ITPR2: variants seen among roughly 807,000 people sequenced by gnomAD.
ITPR2 encodes inositol 1,4,5-trisphosphate-gated calcium channel ITPR2.
Under a neutral mutation model 317.1 loss-of-function variants are expected in ITPR2, and 207 were observed. That is an observed-to-expected ratio of 0.65 (90% CI 0.58 to 0.73). The LOEUF (loss-of-function observed/expected upper bound fraction) is 0.73, where lower values mean the gene tolerates loss of function less well. Ranked by LOEUF, ITPR2 falls within the 30% of genes least tolerant of loss-of-function variation. ITPR2 has a pLI of 0.00. For synonymous variants in ITPR2, 1,156 were observed against 1,149.1 expected, an observed-to-expected ratio of 1.01 and a Z score of -0.12; for missense variants, 2,613 against 3,284.0, an observed-to-expected ratio of 0.80 and a Z score of 4.99.
chr12:26,635,896 T>A (rs1328382501), intron 21 of ITPR2, among the ~76,000 whole-genome samples: 1 of 152,152 alleles, frequency 6.6e-6, no homozygotes, highest in Non-Finnish European at 1.5e-5. Flanking sequence ...AACAAAAACA[T>A]TAGCATAAGA....
rs767136778 is a variant in ITPR2, at chr12:26,500,371, A to G, written c.5074-5111T>C. ...ATTAGGCCATTATGAAAAGAATTTC[A>G]CCACAGTTGAGAAGTTTGACTTCTG... On this transcript the variant is annotated intron_variant, in intron 37 of 56. Transcript: ENST00000381340. Among the ~76,000 whole-genome samples the G allele has an allele frequency of 1.3e-3, 162 of 121,248 alleles. 1 individual carries two copies. The highest frequency in any genetic ancestry group is 8.4e-3 in the Middle Eastern group (2 of 238). 79.5% of individuals were successfully genotyped at this position (121,248 alleles called of 152,430 possible). A position where few individuals can be genotyped will look rare whatever the true frequency, so the allele number is the denominator to read the frequency against.
At chr12:26,339,967 C>A (rs953750156) in intron 56 of ITPR2, among the ~76,000 whole-genome samples, 200 bp downstream of exon 56, 4 of 152,006 alleles carry the variant, frequency 2.6e-5, no homozygotes, top group Non-Finnish European at 4.4e-5. Context: ...GGAGAAGTGT[C>A]GTGTGAGGCT....
chr12:26,644,910 A>T (rs1947077761), intron 21 of ITPR2, among the ~76,000 whole-genome samples: 1 of 152,170 alleles, frequency 6.6e-6, no homozygotes, highest in South Asian at 2.1e-4. Context: ...CGACTAAGAC[A>T]ACTAGTCTGA....
chr12:26,437,547 G>A (rs989441485), intron 47 of ITPR2, among the ~76,000 whole-genome samples: 5 of 152,162 alleles, frequency 3.3e-5, no homozygotes, highest in Admixed American at 6.5e-5. Flanking sequence ...ATTAGAAGAT[G>A]TTGATGCATG....
intron 15 of ITPR2, among the ~76,000 whole-genome samples, chr12:26,662,356 A>G (rs867055634): frequency 5.3e-5 from 8 of 152,314 alleles, no homozygotes; most frequent in East Asian, 1.9e-4. Flanking sequence ...TGTTAACTGA[A>G]TTAATTCATG....
intron 55 of ITPR2, among the ~76,000 whole-genome samples, chr12:26,341,191 T>A (rs1938102104): frequency 6.6e-6 from 1 of 152,192 alleles, no homozygotes; most frequent in Non-Finnish European, 1.5e-5. Context: ...GTTTCATTAC[T>A]CTTGTCACAA....
At chr12:26,492,014 G>C (rs148037436) in intron 39 of ITPR2, among the ~76,000 whole-genome samples, 5 of 152,262 alleles carry the variant, frequency 3.3e-5, no homozygotes, top group African/African-American at 1.2e-4. Flanking sequence ...AGGTCAGGGT[G>C]GGGAACACAC....
At chr12:26,481,270 A>G (rs757346333) in intron 42 of ITPR2, 29 bp from the exon 43 acceptor site, 31 of 1,286,450 alleles carry the variant, frequency 2.4e-5, no homozygotes, top group Non-Finnish European at 3.4e-5. Flanking sequence ...GTAAAATATC[A>G]TTTTATTCAC....
At chr12:26,780,692 G>A (rs1950060969) in intron 2 of ITPR2, among the ~76,000 whole-genome samples, 1 of 152,168 alleles carries the variant, frequency 6.6e-6, no homozygotes, top group Non-Finnish European at 1.5e-5. Context: ...ATATGGCACT[G>A]TTCCTCCCAT....
At chr12:26,461,689 T>C (rs1339541313) in intron 45 of ITPR2, among the ~76,000 whole-genome samples, 38 of 93,196 alleles carry the variant, frequency 4.1e-4, no homozygotes, top group African/African-American at 1.4e-3. Context: ...TACATATATA[T>C]ATACACACAC....
At chr12:26,416,441 C>T (rs1481121353) in intron 50 of ITPR2, among the ~76,000 whole-genome samples, 1 of 152,064 alleles carries the variant, frequency 6.6e-6, no homozygotes, top group African/African-American at 2.4e-5. Context: ...TGAGGTTTGT[C>T]TTCTATCTGT....
At chr12:26,516,285 G>GGGAATGGAAAGGAAAGGAAA (rs1943504560) in intron 37 of ITPR2, among the ~76,000 whole-genome samples, 10 of 42,838 alleles carry the variant, frequency 2.3e-4, no homozygotes, top group Admixed American at 9.8e-4. Context: ...GGGAAGGGAA[G>GGGAATGGAAAGGAAAGGAAA]GGAAAGGAAA....
chr12:26,541,918 T>C (rs1275714410), intron 37 of ITPR2, among the ~76,000 whole-genome samples: 1 of 152,172 alleles, frequency 6.6e-6, no homozygotes, highest in African/African-American at 2.4e-5. Flanking sequence ...TAAAAATAAT[T>C]CAGGCATCAT....
At chr12:26,529,151 A>G (rs1208218940) in intron 37 of ITPR2, among the ~76,000 whole-genome samples, 5 of 152,216 alleles carry the variant, frequency 3.3e-5, no homozygotes, top group Non-Finnish European at 7.3e-5. Flanking sequence ...AAGCTGACAC[A>G]GTAGTCTCTG....
intron 45 of ITPR2, among the ~76,000 whole-genome samples, chr12:26,459,936 C>T (rs1941974568): frequency 6.6e-6 from 1 of 152,226 alleles, no homozygotes; most frequent in Admixed American, 6.5e-5. Context: ...TTCCATTTCA[C>T]CACAAGCCTC....
Position 26,723,406 on chromosome 12 carries a change from A to G in ITPR2, c.367-851T>C, listed in dbSNP as rs542818776. On this transcript the variant is annotated intron_variant, in intron 4 of 56. Coordinates refer to ENST00000381340, the MANE Select transcript of ITPR2 (RefSeq NM_002223.4). Reference sequence around the variant, plus strand: ...TTTGGGATCCACCATGTTCAAGAACATGGCTCAGCCCCTCAATGACCAAGC... The same window carrying G: ...TTTGGGATCCACCATGTTCAAGAACGTGGCTCAGCCCCTCAATGACCAAGC... Among the ~76,000 whole-genome samples the G allele has an allele frequency of 1.2e-3, 177 of 152,278 alleles. 1 individual carries two copies. The highest frequency in any genetic ancestry group is 1.9e-3 in the Non-Finnish European group (127 of 68,020).
rs574916895 is a variant in ITPR2, at chr12:26,337,714, C to T, written c.*1683G>A. Reference sequence around the variant, plus strand: ...TTGGATCATGAATGTCAGGGTCTTTCAGCTCCTGGTCAGAAAAAATACTGT... The same window carrying T: ...TTGGATCATGAATGTCAGGGTCTTTTAGCTCCTGGTCAGAAAAAATACTGT... On this transcript the variant is annotated 3_prime_UTR_variant, in exon 57 of 57. Coordinates refer to ENST00000381340, the MANE Select transcript of ITPR2 (RefSeq NM_002223.4). 4 of 152,286 alleles carry T rather than the reference C, an allele frequency of 2.6e-5. No individual in the cohort carries two copies. The highest frequency in any genetic ancestry group is 2.6e-4 in the Admixed American group (4 of 15,280). The allele number at this position is 152,286 out of a possible 1,614,324, so 9.4% of individuals were successfully genotyped here.
Position 26,338,683 on chromosome 12 carries a change from T to C in ITPR2, c.*714A>G, listed in dbSNP as rs947581334. On this transcript the variant is annotated 3_prime_UTR_variant, in exon 57 of 57. Transcript: ENST00000381340. ...TAGCCTATACATGACTTAGAACATG[T>C]TTTTAACAAGTTATATGAAAATCTC... The C allele has an allele frequency of 6.6e-6, 1 of 152,226 alleles. No homozygotes were observed. The highest frequency in any genetic ancestry group is 2.4e-5 in the African/African-American group (1 of 41,460). The allele number at this position is 152,226 out of a possible 1,614,324, so 9.4% of individuals were successfully genotyped here.
intron 37 of ITPR2, among the ~76,000 whole-genome samples, chr12:26,497,794 T>C (rs112269800): frequency 0.023 from 3,361 of 148,986 alleles, 87 homozygotes; most frequent in African/African-American, 0.058. Flanking sequence ...CACTGCAACC[T>C]CCACCTCCCT....
Sources: gnomAD v4.1 joint callset for allele counts (sites outside exome capture counted in the v4.1 genomes callset) on GRCh38, gnomAD v4.1.1 for gene constraint, MANE v1.5 for transcripts, NCBI Gene and HGNC (gene_info 2026-07-23, HGNC 2026-07-21) for gene names.